Variants in ACAP2 observed in about 807,000 individuals in gnomAD.
The protein encoded by ACAP2 is ArfGAP with coiled-coil, ankyrin repeat and PH domains 2.
In ACAP2, 39 loss-of-function variants were observed where a neutral mutation model predicts 115.8. That is an observed-to-expected ratio of 0.34 (90% CI 0.26 to 0.44). The LOEUF (loss-of-function observed/expected upper bound fraction) is 0.44, where lower values mean the gene tolerates loss of function less well. ACAP2 is among the 20% of genes least tolerant of loss of function. The probability of loss-of-function intolerance (pLI) is 1.00; values close to 1 mark genes in which losing one functional copy is unlikely to be tolerated. For synonymous variants in ACAP2, 289 were observed against 315.8 expected, an observed-to-expected ratio of 0.92 and a Z score of 0.90; for missense variants, 662 against 927.6, an observed-to-expected ratio of 0.71 and a Z score of 3.72.
At chr3:195,352,088 C>A (rs1731647887) in intron 4 of ACAP2, among the ~76,000 whole-genome samples, 2 of 152,190 alleles carry the variant, frequency 1.3e-5, no homozygotes, top group South Asian at 4.1e-4. Context: ...ACAGGCCGCA[C>A]ATATAACGGT....
chr3:195,325,833 T>C (rs1201264143), intron 9 of ACAP2, among the ~76,000 whole-genome samples: 1 of 152,204 alleles, frequency 6.6e-6, no homozygotes, highest in African/African-American at 2.4e-5. Context: ...GTAAAATTTT[T>C]ATCTGTCAAC....
intron 1 of ACAP2, among the ~76,000 whole-genome samples, chr3:195,437,814 CAAAAAAAAAAA>C (rs535209837): frequency 8.2e-5 from 3 of 36,400 alleles, no homozygotes; most frequent in Admixed American, 3.2e-4. Context: ...GACTCTGTCT[CAAAAAAAAAAA>C]AAAAAAAAAG....
chr3:195,287,367 T>C (rs1319018528), intron 21 of ACAP2, among the ~76,000 whole-genome samples: 1 of 152,110 alleles, frequency 6.6e-6, no homozygotes, highest in African/African-American at 2.4e-5. Flanking sequence ...GAAGCATGCA[T>C]TTTAATCTTA....
At chr3:195,343,936 T>G (rs978349232) in intron 5 of ACAP2, among the ~76,000 whole-genome samples, 4 of 152,148 alleles carry the variant, frequency 2.6e-5, no homozygotes, top group African/African-American at 9.7e-5. Context: ...TATAAAGAAT[T>G]TGGTTGGGTG....
At chr3:195,371,300 A>G (rs906579515) in intron 4 of ACAP2, among the ~76,000 whole-genome samples, 10 of 151,864 alleles carry the variant, frequency 6.6e-5, no homozygotes, top group African/African-American at 2.4e-4. Context: ...ATTCCTAGGT[A>G]TTTTATTCTT....
At chr3:195,357,347 C>T (rs2108685257) in intron 4 of ACAP2, among the ~76,000 whole-genome samples, 1 of 152,228 alleles carries the variant, frequency 6.6e-6, no homozygotes, top group South Asian at 2.1e-4. Flanking sequence ...ATTGCAGGCC[C>T]TGACTTCCAG....
intron 9 of ACAP2, among the ~76,000 whole-genome samples, chr3:195,324,643 A>C (rs555976058): frequency 1.3e-5 from 2 of 152,218 alleles, no homozygotes; most frequent in South Asian, 4.2e-4. Flanking sequence ...AATCCCAGCT[A>C]CTTGGGAGGC....
intron 11 of ACAP2, among the ~76,000 whole-genome samples, chr3:195,307,879 G>A (rs1386091784): frequency 6.6e-6 from 1 of 152,106 alleles, no homozygotes; most frequent in Admixed American, 6.5e-5. Context: ...ATACAAACCT[G>A]CTACCATAGA....
chr3:195,360,941 G>C (rs916276891), intron 4 of ACAP2, among the ~76,000 whole-genome samples: 4 of 142,398 alleles, frequency 2.8e-5, no homozygotes, highest in African/African-American at 5.3e-5. Flanking sequence ...CATTCTTAAG[G>C]ACAGACCATA....
At chr3:195,439,840 T>A (rs1439264556) in intron 1 of ACAP2, among the ~76,000 whole-genome samples, 1 of 152,168 alleles carries the variant, frequency 6.6e-6, no homozygotes, top group Non-Finnish European at 1.5e-5. Flanking sequence ...TTGGCCAGGC[T>A]GGTGTCAAAC....
At chr3:195,330,713 C>G (rs1389560740) in intron 8 of ACAP2, among the ~76,000 whole-genome samples, 7 of 152,110 alleles carry the variant, frequency 4.6e-5, no homozygotes, top group African/African-American at 1.7e-4. Context: ...ACAATGGAAC[C>G]CCTAAATTCT....
At chr3:195,289,413 G>C (rs1192113906) in intron 20 of ACAP2, among the ~76,000 whole-genome samples, 182 bp from the exon 21 acceptor site, 1 of 152,050 alleles carries the variant, frequency 6.6e-6, no homozygotes, top group Non-Finnish European at 1.5e-5. Context: ...CATTTCACAA[G>C]TCTCAAGGTA....
At chr3:195,394,574 G>A (rs188819194) in intron 1 of ACAP2, among the ~76,000 whole-genome samples, 4 of 152,324 alleles carry the variant, frequency 2.6e-5, no homozygotes, top group South Asian at 2.1e-4. Context: ...CCAGCACTTC[G>A]GGAAGCCGAG....
intron 7 of ACAP2, chr3:195,335,769 A>G (rs1730458275): frequency 6.6e-6 from 1 of 152,232 alleles, no homozygotes; most frequent in African/African-American, 2.4e-5. Context: ...AGGCAACTTA[A>G]GCATAGCCTT....
rs1577239037 is a variant in ACAP2 at position 195,289,194 on chromosome 3, G to A, written c.2101C>T (p.His701Tyr). The A allele has an allele frequency of 6.2e-7, 1 of 1,612,954 alleles. No homozygotes were observed. Among genetic ancestry groups the A allele is most frequent in the African/African-American group, 1.3e-5 (1 of 74,710 alleles). Residue 701 changes from histidine to tyrosine, a missense_variant, in exon 21 of 23, where the codon CAT (histidine) becomes TAT (tyrosine). His to Tyr is a moderately conservative substitution (Grantham distance 83). Transcript: ENST00000326793. Reference sequence around the variant, plus strand: ...TCTTTCCCTTCTTCATCAGTGGCATGTTGATTGGCACCTCGTTTTAGGAAT... The same window carrying A: ...TCTTTCCCTTCTTCATCAGTGGCATATTGATTGGCACCTCGTTTTAGGAAT... ...CLFLKRGANQ[H>Y]ATDEEGKDPL... is the part of the protein sequence containing the mutation.
intron 6 of ACAP2, among the ~76,000 whole-genome samples, chr3:195,337,739 G>A (rs778566428): frequency 5.3e-5 from 8 of 152,210 alleles, no homozygotes; most frequent in Non-Finnish European, 8.8e-5. Context: ...GAGCCACTGC[G>A]CCAGGCCCAT....
intron 1 of ACAP2, among the ~76,000 whole-genome samples, chr3:195,437,003 T>C (rs1249918199): frequency 1.3e-5 from 2 of 152,168 alleles, no homozygotes; most frequent in Admixed American, 6.5e-5. Context: ...AATTTCTATA[T>C]GATAAAAGAC....
intron 1 of ACAP2, among the ~76,000 whole-genome samples, chr3:195,425,026 C>CAAAAA (rs10690317): frequency 0.091 from 2,428 of 26,648 alleles, 488 homozygotes; most frequent in East Asian, 0.27. Context: ...GACTCCGTCT[C>CAAAAA]AAAAAAAAAA....
intron 4 of ACAP2, among the ~76,000 whole-genome samples, chr3:195,361,546 T>C (rs1303815226): frequency 4.0e-5 from 6 of 151,536 alleles, no homozygotes; most frequent in African/African-American, 1.5e-4. Flanking sequence ...AAGAGGAAAG[T>C]TTATAGCTAA....
Sources: allele counts gnomAD v4.1 joint callset (sites outside exome capture counted in the v4.1 genomes callset), GRCh38; gene constraint gnomAD v4.1.1; transcripts MANE v1.5; gene names NCBI Gene and HGNC (gene_info 2026-07-23, HGNC 2026-07-21).